CLVS1: variants seen among roughly 807,000 people sequenced by gnomAD.
CLVS1 encodes the protein clavesin 1.
Under a neutral mutation model 33.1 loss-of-function variants are expected in CLVS1, and 10 were observed. That is an observed-to-expected ratio of 0.30 (90% CI 0.19 to 0.51). CLVS1 has a LOEUF of 0.51. Among genes scored for constraint, CLVS1 ranks in the 20% least tolerant of loss-of-function variants. The pLI is 0.97. For synonymous variants in CLVS1, 163 were observed against 166.1 expected (o/e 0.98, Z 0.14); for missense variants, 343 against 433.4 (o/e 0.79, Z 1.85).
chr8:61,347,651 T>C (rs1442509532), intron 2 of CLVS1, among the ~76,000 whole-genome samples: 3 of 102,838 alleles, frequency 2.9e-5, no homozygotes, highest in Non-Finnish European at 6.0e-5. Flanking sequence ...TATATATATA[T>C]ATATATATAT....
intron 2 of CLVS1, among the ~76,000 whole-genome samples, chr8:61,206,149 T>C (rs1405004642): frequency 6.6e-6 from 1 of 152,236 alleles, no homozygotes; most frequent in Non-Finnish European, 1.5e-5. Flanking sequence ...ATTTACCAAA[T>C]AGTATTTAAC....
chr8:61,225,850 G>A (rs1446531887), intron 2 of CLVS1, among the ~76,000 whole-genome samples: 1 of 152,158 alleles, frequency 6.6e-6, no homozygotes, highest in African/African-American at 2.4e-5. Flanking sequence ...CAGTTTATTG[G>A]CAACTCCTGT....
At chr8:61,238,129 A>G (rs773825350) in intron 2 of CLVS1, among the ~76,000 whole-genome samples, 7 of 152,184 alleles carry the variant, frequency 4.6e-5, no homozygotes, top group African/African-American at 7.2e-5. Flanking sequence ...CTACTTTCTT[A>G]TTTAAGAAAT....
chr8:61,274,520 C>G lies in CLVS1; in HGVS notation c.-151-25157C>G, dbSNP rs534948549. Among the ~76,000 whole-genome samples the G allele has an allele frequency of 2.6e-5, 4 of 152,224 alleles. No individual in the cohort carries two copies. The East Asian group carries it at 7.7e-4, about 29-fold the overall frequency. On this transcript the variant is annotated intron_variant, in intron 2 of 2. Coordinates refer to the CLVS1 transcript ENST00000522621. ...TCTCCCCCTGCATCTTAACCAAATT[C>G]TGATTAGTGAGTTCATTACCATTTG...
In CLVS1 at chr8:61,394,952, A is replaced by G. The variant is rs534261846; in HGVS notation, c.630+18173A>G. On this transcript the variant is annotated intron_variant, in intron 3 of 5. Coordinates refer to ENST00000325897, the MANE Select transcript of CLVS1 (RefSeq NM_173519.3). The stretch of plus-strand genomic sequence containing the variant: ...GAATAGAGATGTTGAGCATTTTGTC[A>G]TATATCTGTTGGCCATTCATATCTC... 4.6e-5 allele frequency among the ~76,000 whole-genome samples: 7 copies of G among 152,282 alleles called. No individual in the cohort carries two copies. The East Asian group carries it at 1.3e-3, about 29-fold the overall frequency.
chr8:61,364,668 C>T (rs1234270322), intron 2 of CLVS1, among the ~76,000 whole-genome samples: 2 of 152,168 alleles, frequency 1.3e-5, no homozygotes, highest in East Asian at 1.9e-4. Context: ...CAATCCATTT[C>T]TATTAGGTGT....
At chr8:61,423,103 A>G (rs1465251305) in intron 3 of CLVS1, among the ~76,000 whole-genome samples, 1 of 152,110 alleles carries the variant, frequency 6.6e-6, no homozygotes, top group Non-Finnish European at 1.5e-5. Context: ...AATGAGCCCA[A>G]TGCACCTTGC....
At chr8:60,993,869 A>G in the CLVS1 span, among the ~76,000 whole-genome samples, 1 of 152,128 alleles carries the variant, frequency 6.6e-6, no homozygotes, top group South Asian at 2.1e-4. Flanking sequence ...TTTCTTTTCA[A>G]GGCCATGGAG....
At chr8:61,061,345 A>T (rs1419749013) in intron 1 of CLVS1, among the ~76,000 whole-genome samples, 1 of 152,176 alleles carries the variant, frequency 6.6e-6, no homozygotes, top group African/African-American at 2.4e-5. Flanking sequence ...TCCAGATCAG[A>T]TAACATTGCC....
upstream of CLVS1, among the ~76,000 whole-genome samples, chr8:61,056,596 T>C (rs1356000533): frequency 6.6e-6 from 1 of 152,142 alleles, no homozygotes; most frequent in Non-Finnish European, 1.5e-5. Flanking sequence ...TTCAGGACAT[T>C]AGACTTCACA....
chr8:61,117,447 G>A (rs374076769), intron 1 of CLVS1, among the ~76,000 whole-genome samples: 37,623 of 151,508 alleles, frequency 0.25, 5,014 homozygotes, highest in African/African-American at 0.33. Context: ...CCTGTCTTGC[G>A]CCAGTTTTCA....
intron 2 of CLVS1, among the ~76,000 whole-genome samples, chr8:61,143,695 A>T (rs1023693853): frequency 6.6e-6 from 1 of 150,610 alleles, no homozygotes; most frequent in Admixed American, 6.6e-5. Flanking sequence ...TTATTTTACA[A>T]TAAATTACTC....
At chr8:61,128,540 T>C (rs548697583) in intron 1 of CLVS1, among the ~76,000 whole-genome samples, 4 of 152,330 alleles carry the variant, frequency 2.6e-5, no homozygotes, top group Admixed American at 2.6e-4. Context: ...ATTTGATAAG[T>C]CATGTAACAT....
chr8:61,374,234 G>C (rs1813552561), intron 2 of CLVS1, among the ~76,000 whole-genome samples: 1 of 152,162 alleles, frequency 6.6e-6, no homozygotes, highest in South Asian at 2.1e-4. Flanking sequence ...CTTGCTTCTT[G>C]AAACATTCTC....
intron 2 of CLVS1, among the ~76,000 whole-genome samples, chr8:61,248,208 T>G (rs904465574): frequency 7.9e-5 from 12 of 152,288 alleles, no homozygotes; most frequent in Non-Finnish European, 1.5e-4. Context: ...TAGTTTGAAG[T>G]TGGGTAACAT....
intron 2 of CLVS1, among the ~76,000 whole-genome samples, chr8:61,237,463 G>A (rs1808592954): frequency 6.6e-6 from 1 of 152,066 alleles, no homozygotes; most frequent in African/African-American, 2.4e-5. Context: ...AAAATAAGAG[G>A]AGGAAGTTCA....
intron 1 of CLVS1, among the ~76,000 whole-genome samples, chr8:61,087,528 G>C (rs1239557016): frequency 6.6e-6 from 1 of 152,206 alleles, no homozygotes; most frequent in Non-Finnish European, 1.5e-5. Context: ...TGGCTGTGGA[G>C]GGAAGTGTAG....
chr8:61,272,344 G>A (rs2129592771), intron 2 of CLVS1, among the ~76,000 whole-genome samples: 1 of 152,274 alleles, frequency 6.6e-6, no homozygotes, highest in African/African-American at 2.4e-5. Context: ...TGGCTTGTAG[G>A]TTTTCTGCTG....
At chr8:61,275,661 C>T (rs533379041) in intron 2 of CLVS1, among the ~76,000 whole-genome samples, 4 of 152,170 alleles carry the variant, frequency 2.6e-5, no homozygotes, top group African/African-American at 9.6e-5. Context: ...GAGTTCAATC[C>T]CCCCACAGGC....
Sources: gnomAD v4.1 joint callset for allele counts (sites outside exome capture counted in the v4.1 genomes callset) on GRCh38, gnomAD v4.1.1 for gene constraint, MANE v1.5 for transcripts, NCBI Gene and HGNC (gene_info 2026-07-23, HGNC 2026-07-21) for gene names.